CACNA1D: variants seen among roughly 807,000 people sequenced by gnomAD.
CACNA1D encodes the protein voltage-dependent L-type calcium channel subunit alpha-1D.
In CACNA1D, 55 loss-of-function variants were observed where a neutral mutation model predicts 257.1. That is an observed-to-expected ratio of 0.21 (90% CI 0.17 to 0.27). The LOEUF is 0.27. Ranked by LOEUF, CACNA1D falls within the 10% of genes least tolerant of loss-of-function variation. CACNA1D has a pLI of 1.00. For missense variants in CACNA1D, 1,876 were observed against 2,784.0 expected (o/e 0.67, Z 7.34); for synonymous variants, 980 against 1,014.9 (o/e 0.97, Z 0.65).
chr3:53,750,443 T>TGA (rs915658997), intron 27 of CACNA1D, among the ~76,000 whole-genome samples: 5 of 152,210 alleles, frequency 3.3e-5, no homozygotes, highest in African/African-American at 1.2e-4. Flanking sequence ...AAGAATGATC[T>TGA]GGTAGCCTAG....
intron 3 of CACNA1D, among the ~76,000 whole-genome samples, chr3:53,592,266 A>G (rs1315295066): frequency 6.6e-6 from 1 of 152,192 alleles, no homozygotes; most frequent in Non-Finnish European, 1.5e-5. Flanking sequence ...GTAGGCAGGG[A>G]TCTGAAAGAA....
chr3:53,774,913 T>C lies in CACNA1D; in HGVS notation c.4202+235T>C, dbSNP rs539142605. 1.3e-5 allele frequency among the ~76,000 whole-genome samples: 2 copies of C among 152,332 alleles called. No individual in the cohort carries two copies. Among genetic ancestry groups the C allele is most frequent in the East Asian group, 3.9e-4 (2 of 5,184 alleles). ...ATCCCGATTGTGGCTGGCATAAGGT[T>C]TATTCATTTGGGAGTTAGTAGGGCT... On this transcript the variant is annotated intron_variant, in intron 34 of 47. Transcript: ENST00000350061. This position sits in a 1 kb window ranked among gnomAD's most constrained non-coding sequence, Gnocchi z 4.3.
chr3:53,523,176 G>A (rs951816511), intron 3 of CACNA1D, among the ~76,000 whole-genome samples: 10 of 152,154 alleles, frequency 6.6e-5, no homozygotes, highest in Admixed American at 5.2e-4. Context: ...AGTGAAGTGG[G>A]GCAAGAGGCA....
chr3:53,722,444 A>C lies in CACNA1D; in HGVS notation c.1636A>C (p.Asn546His), dbSNP rs1389505041. 3 of 1,614,094 alleles carry C rather than the reference A, an allele frequency of 1.9e-6. No individual in the cohort carries two copies. The African/African-American group carries it at 4.0e-5, about 22-fold the overall frequency. ...CTTAACCATTTCCTCTGAGCACTAC[A>C]ATCAGCCAGATTGGTTGACACAGAT... Reference protein sequence around the residue: ...NTLTISSEHYNQPDWLTQIQD... With the variant: ...NTLTISSEHYHQPDWLTQIQD... The change falls in exon 12 of 48, where the codon AAT becomes CAT. Residue 546 changes from asparagine to histidine, a missense_variant. Physicochemically the swap from Asn to His is moderately conservative, Grantham distance 68. Coordinates refer to ENST00000350061, the MANE Select transcript of CACNA1D (RefSeq NM_001128840.3).
intron 3 of CACNA1D, among the ~76,000 whole-genome samples, chr3:53,568,938 G>C (rs2107678003): frequency 6.6e-6 from 1 of 152,264 alleles, no homozygotes; most frequent in East Asian, 1.9e-4. Flanking sequence ...TCTTCCTGCT[G>C]TTAAATCCAG....
chr3:53,772,272 T>A (rs1363003365), intron 32 of CACNA1D, among the ~76,000 whole-genome samples: 1 of 152,170 alleles, frequency 6.6e-6, no homozygotes, highest in African/African-American at 2.4e-5. Context: ...GAGAGGTATT[T>A]TGCATCCTAC....
chr3:53,800,977 T>A lies in CACNA1D; in HGVS notation c.5041-81T>A. 1.4e-6 allele frequency: 2 copies of A among 1,423,396 alleles called. No homozygotes were observed. The highest frequency in any genetic ancestry group is 2.0e-6 in the Non-Finnish European group (2 of 1,009,162). The allele number at this position is 1,423,396 out of a possible 1,614,324, so 88.2% of individuals were successfully genotyped here. The stretch of plus-strand genomic sequence containing the variant: ...GAGCTTGCCTAGAATTTGTTTTTCA[T>A]GTAGAAAAAGTTACCTAACATAGCT... On this transcript the variant is annotated intron_variant, in intron 41 of 47. Coordinates refer to ENST00000350061, the MANE Select transcript of CACNA1D (RefSeq NM_001128840.3). This position sits in a 1 kb window ranked among gnomAD's most constrained non-coding sequence, Gnocchi z 4.3.
chr3:53,668,545 T>C (rs1226269832), intron 7 of CACNA1D, among the ~76,000 whole-genome samples: 5 of 152,200 alleles, frequency 3.3e-5, no homozygotes, highest in African/African-American at 1.2e-4. Flanking sequence ...ATAAACTTTA[T>C]CCCAGTCTGT....
At chr3:53,805,205 C>G (rs1342268611) in intron 45 of CACNA1D, 59 bp downstream of exon 45, 1 of 1,531,346 alleles carries the variant, frequency 6.5e-7, no homozygotes, top group African/African-American at 1.4e-5. Flanking sequence ...ACCTCTCCCC[C>G]AACCCCCGCT....
At chr3:53,562,344 A>G (rs775976997) in intron 3 of CACNA1D, among the ~76,000 whole-genome samples, 1 of 152,220 alleles carries the variant, frequency 6.6e-6, no homozygotes, top group Non-Finnish European at 1.5e-5. Context: ...CATATTGAGC[A>G]CTGCCATTGT....
chr3:53,786,431 T>C (rs1044502239), intron 39 of CACNA1D: 6 of 235,798 alleles, frequency 2.5e-5, no homozygotes, highest in African/African-American at 4.5e-5. Context: ...ATGGTAGTTA[T>C]ACATGCAAAT....
At chr3:53,542,205 GT>G (rs200946665) in intron 3 of CACNA1D, among the ~76,000 whole-genome samples, 18,824 of 147,220 alleles carry the variant, frequency 0.13, 3,103 homozygotes, top group African/African-American at 0.38. Flanking sequence ...AAAAATGCAG[GT>G]TTTTTTTTTT....
At chr3:53,593,630 G>A (rs772366678) in intron 3 of CACNA1D, among the ~76,000 whole-genome samples, 6 of 152,104 alleles carry the variant, frequency 3.9e-5, no homozygotes, top group Non-Finnish European at 7.4e-5. Flanking sequence ...CCCTCTTGGT[G>A]TTGAAGTCAT....
At chr3:53,759,336 A>C (rs1189161174) in intron 29 of CACNA1D, among the ~76,000 whole-genome samples, 4 of 152,356 alleles carry the variant, frequency 2.6e-5, no homozygotes, top group African/African-American at 9.6e-5. Flanking sequence ...GGAGAGAGGG[A>C]GAGAGGAGCT....
In CACNA1D at chr3:53,800,757, G is replaced by A; in HGVS notation, c.5041-301G>A. 1.9e-6 allele frequency: 1 copy of A among 520,858 alleles called. No homozygotes were observed. The highest frequency in any genetic ancestry group is 3.5e-6 in the Non-Finnish European group (1 of 287,518). The allele number at this position is 520,858 out of a possible 1,614,324, so 32.3% of individuals were successfully genotyped here. A position where few individuals can be genotyped will look rare whatever the true frequency, so the allele number is the denominator to read the frequency against. On this transcript the variant is annotated intron_variant, in intron 41 of 47. Coordinates refer to ENST00000350061, the MANE Select transcript of CACNA1D (RefSeq NM_001128840.3). The surrounding 1 kb of genome is among the most constrained non-coding windows in gnomAD (Gnocchi z 4.3). The stretch of plus-strand genomic sequence containing the variant: ...CCCAGAGAGCATGCCCAACCTTGGG[G>A]CCACCAGCCAGCCCAGCTGGGTATA...
chr3:53,610,771 G>A (rs1253376121), intron 3 of CACNA1D, among the ~76,000 whole-genome samples: 2 of 151,444 alleles, frequency 1.3e-5, no homozygotes, highest in African/African-American at 2.4e-5. Flanking sequence ...TTCTACTCTT[G>A]CCACATAAGC....
intron 3 of CACNA1D, among the ~76,000 whole-genome samples, chr3:53,593,153 TA>T (rs1162884686): frequency 5.3e-5 from 8 of 152,264 alleles, no homozygotes; most frequent in African/African-American, 1.9e-4. Flanking sequence ...CCAAAATCAG[TA>T]ATTTGAACCA....
intron 9 of CACNA1D, among the ~76,000 whole-genome samples, chr3:53,704,462 C>T (rs960675296): frequency 6.6e-6 from 1 of 152,174 alleles, no homozygotes; most frequent in Non-Finnish European, 1.5e-5. Context: ...AATGCAAGTT[C>T]AGAGTTTATA....
intron 3 of CACNA1D, among the ~76,000 whole-genome samples, chr3:53,520,555 C>A (rs2091513632): frequency 6.6e-6 from 1 of 152,172 alleles, no homozygotes; most frequent in Non-Finnish European, 1.5e-5. Context: ...CACCTGAGGC[C>A]AGGAGTTCGA....
Sources: allele counts gnomAD v4.1 joint callset (sites outside exome capture counted in the v4.1 genomes callset), GRCh38; gene constraint gnomAD v4.1.1; non-coding constraint Gnocchi (gnomAD v3.1); transcripts MANE v1.5; gene names NCBI Gene and HGNC (gene_info 2026-07-23, HGNC 2026-07-21).